TNFSF4: variants seen among roughly 807,000 people sequenced by gnomAD.
TNFSF4 encodes the protein tumor necrosis factor ligand superfamily member 4.
Under a neutral mutation model 7.3 loss-of-function variants are expected in TNFSF4, and 4 were observed. The ratio of observed to expected loss-of-function variants is 0.55; its 90% CI spans 0.27 to 1.25. The LOEUF is 1.25. TNFSF4 is among the 50% of genes most tolerant of loss of function. The pLI is 0.12. For synonymous variants in TNFSF4, 76 were observed against 83.7 expected (o/e 0.91, Z 0.50); for missense variants, 181 against 208.8 (o/e 0.87, Z 0.82).
the TNFSF4 span, among the ~76,000 whole-genome samples, chr1:173,261,496 A>G: frequency 6.6e-6 from 1 of 152,306 alleles, no homozygotes; most frequent in South Asian, 2.1e-4. Flanking sequence ...ACTGAAGGAG[A>G]TAAAGACATG....
At chr1:173,376,946 C>G in the TNFSF4 span, among the ~76,000 whole-genome samples, 1 of 152,148 alleles carries the variant, frequency 6.6e-6, no homozygotes, top group Non-Finnish European at 1.5e-5. Context: ...GGACGCACCA[C>G]TTTTAAGAGC....
the TNFSF4 span, among the ~76,000 whole-genome samples, chr1:173,318,476 G>C: frequency 6.6e-6 from 1 of 152,142 alleles, no homozygotes; most frequent in Non-Finnish European, 1.5e-5. Context: ...AGCAAGGTAG[G>C]CATTCTTAAG....
the TNFSF4 span, among the ~76,000 whole-genome samples, chr1:173,286,316 A>G: frequency 6.6e-6 from 1 of 152,232 alleles, no homozygotes; most frequent in African/African-American, 2.4e-5. Context: ...AATCTAACAG[A>G]AGAAAAAAAC....
the TNFSF4 span, among the ~76,000 whole-genome samples, chr1:173,393,068 TG>T: frequency 2.0e-5 from 3 of 151,260 alleles, no homozygotes; most frequent in Non-Finnish European, 4.4e-5. Flanking sequence ...CGAGGTGGAG[TG>T]GGGGCCTATA....
chr1:173,178,762 G>T (rs1349383469), downstream of TNFSF4, among the ~76,000 whole-genome samples: 1 of 152,094 alleles, frequency 6.6e-6, no homozygotes, highest in African/African-American at 2.4e-5. Context: ...CCTGAAGCCT[G>T]TGAATGTTAC....
At chr1:173,275,763 T>G in the TNFSF4 span, among the ~76,000 whole-genome samples, 1 of 152,110 alleles carries the variant, frequency 6.6e-6, no homozygotes, top group Non-Finnish European at 1.5e-5. Flanking sequence ...CACACATCAG[T>G]CAGCAGCCCA....
the TNFSF4 span, among the ~76,000 whole-genome samples, chr1:173,268,316 T>C: frequency 6.6e-6 from 1 of 152,104 alleles, no homozygotes; most frequent in African/African-American, 2.4e-5. Context: ...ATGTAAAACT[T>C]CTAATACCAT....
chr1:173,289,739 A>G, the TNFSF4 span, among the ~76,000 whole-genome samples: 2 of 152,204 alleles, frequency 1.3e-5, no homozygotes, highest in African/African-American at 4.8e-5. Flanking sequence ...CAGTATCTGA[A>G]TTGAAAAATT....
chr1:173,258,445 A>AAAT, the TNFSF4 span, among the ~76,000 whole-genome samples: 940 of 152,248 alleles, frequency 6.2e-3, 7 homozygotes, highest in African/African-American at 0.021. Flanking sequence ...CCCAACCAGG[A>AAAT]AATCATGCAT....
chr1:173,327,001 G>A, the TNFSF4 span, among the ~76,000 whole-genome samples: 1 of 152,136 alleles, frequency 6.6e-6, no homozygotes, highest in African/African-American at 2.4e-5. Context: ...TTTCTTCACA[G>A]AATTGAAAAA....
At chr1:173,397,264 C>A in the TNFSF4 span, among the ~76,000 whole-genome samples, 8 of 152,122 alleles carry the variant, frequency 5.3e-5, no homozygotes, top group African/African-American at 1.9e-4. Flanking sequence ...CAAACGAGAT[C>A]GTTTTTGAAT....
the TNFSF4 span, among the ~76,000 whole-genome samples, chr1:173,241,957 T>C: frequency 6.6e-6 from 1 of 152,030 alleles, no homozygotes; most frequent in African/African-American, 2.4e-5. Flanking sequence ...CTGACAAGAG[T>C]AGGGGAACTT....
the TNFSF4 span, among the ~76,000 whole-genome samples, chr1:173,300,182 TA>T: frequency 0.029 from 4,446 of 151,536 alleles, 201 homozygotes; most frequent in African/African-American, 0.1. Flanking sequence ...CATACATACA[TA>T]CATACATACA....
chr1:173,193,185 G>T (rs1649554755), intron 1 of TNFSF4, among the ~76,000 whole-genome samples: 1 of 152,118 alleles, frequency 6.6e-6, no homozygotes, highest in African/African-American at 2.4e-5. Context: ...CCCACACATA[G>T]ACTTAGTGTT....
the TNFSF4 span, chr1:173,362,929 CA>C: frequency 4.5e-6 from 2 of 444,566 alleles, no homozygotes; most frequent in Non-Finnish European, 8.9e-6. Context: ...ACTCGTGCAC[CA>C]AAATAGTTCC....
the TNFSF4 span, among the ~76,000 whole-genome samples, chr1:173,268,468 G>C: frequency 6.6e-6 from 1 of 151,960 alleles, no homozygotes; most frequent in Non-Finnish European, 1.5e-5. Flanking sequence ...AACACCCGTA[G>C]GCTAAGGTAA....
At chr1:173,266,260 A>G in the TNFSF4 span, among the ~76,000 whole-genome samples, 2 of 152,162 alleles carry the variant, frequency 1.3e-5, no homozygotes, top group Non-Finnish European at 2.9e-5. Flanking sequence ...AGAGAGTAGA[A>G]ACAGCTTTTG....
At chr1:173,385,790 G>A in the TNFSF4 span, among the ~76,000 whole-genome samples, 1 of 152,018 alleles carries the variant, frequency 6.6e-6, no homozygotes, top group African/African-American at 2.4e-5. Context: ...AGTGAGCCAT[G>A]ATGATCATGT....
At chr1:173,408,432 AAGT>A in the TNFSF4 span, among the ~76,000 whole-genome samples, 2 of 152,292 alleles carry the variant, frequency 1.3e-5, no homozygotes, top group East Asian at 3.9e-4. Context: ...ATAAGGAAGA[AAGT>A]AAGTTTTTTC....
Sources: gnomAD v4.1 joint callset for allele counts (sites outside exome capture counted in the v4.1 genomes callset) on GRCh38, gnomAD v4.1.1 for gene constraint, MANE v1.5 for transcripts, NCBI Gene and HGNC (gene_info 2026-07-23, HGNC 2026-07-21) for gene names.